RIF1: variants seen among roughly 807,000 people sequenced by gnomAD.
RIF1 encodes the protein replication timing regulatory factor 1, also known as telomere-associated protein RIF1.
In RIF1, 45 loss-of-function variants were observed where a neutral mutation model predicts 247.1. That is an observed-to-expected ratio of 0.18 (90% CI 0.14 to 0.23). The LOEUF is 0.23. Among genes scored for constraint, RIF1 ranks in the 10% least tolerant of loss-of-function variants. The pLI is 1.00. For synonymous variants in RIF1, 1,087 were observed against 978.8 expected, an observed-to-expected ratio of 1.11 and a Z score of -2.06; for missense variants, 2,967 against 2,862.5, an observed-to-expected ratio of 1.04 and a Z score of -0.83.
At chr2:151,491,530 C>G in intron 9 of RIF1, 1 of 635,150 alleles carries the variant, frequency 1.6e-6, no homozygotes, top group South Asian at 2.0e-5. Flanking sequence ...GTAAGTTTTG[C>G]TCACTAGTTA....
In RIF1 at chr2:151,409,988, G is replaced by A. The variant is rs1454568013; in HGVS notation, c.-56G>A. On this transcript the variant is annotated 5_prime_UTR_variant, in exon 1 of 36. It adds an upstream start codon to the 5' untranslated region. Coordinates refer to ENST00000444746, the MANE Select transcript of RIF1 (RefSeq NM_018151.5). ...AAAGTCGAGCTCTGGCAGCGTCTGG[G>A]TGCTGAGGGGCAGAGGCGGAGAGAA... The A allele has an allele frequency of 7.1e-6, 5 of 702,526 alleles. No homozygotes were observed. Among genetic ancestry groups the A allele is most frequent in the Non-Finnish European group, 7.8e-6 (3 of 384,780 alleles). 43.5% of individuals were successfully genotyped at this position (702,526 alleles called of 1,614,324 possible). A position where few individuals can be genotyped will look rare whatever the true frequency, so the allele number is the denominator to read the frequency against.
intron 12 of RIF1, among the ~76,000 whole-genome samples, chr2:151,504,669 A>T (rs79767074): frequency 0.015 from 2,259 of 152,288 alleles, 80 homozygotes; most frequent in East Asian, 0.14. Context: ...TTGGCCATAA[A>T]CTATTTCCCA....
chr2:151,416,987 CAG>C, intron 6 of RIF1, 86 bp downstream of exon 6: 1 of 946,618 alleles, frequency 1.1e-6, no homozygotes, highest in Non-Finnish European at 1.6e-6. Flanking sequence ...AAATGAGAGA[CAG>C]ACATTAAAAG....
intron 9 of RIF1, chr2:151,493,502 T>C: frequency 8.6e-7 from 1 of 1,156,520 alleles, no homozygotes; most frequent in South Asian, 1.5e-5. Context: ...GGTCTGAAAA[T>C]CATCACTTAG....
chr2:151,492,121 T>G, intron 9 of RIF1: 1 of 1,613,944 alleles, frequency 6.2e-7, no homozygotes, highest in Non-Finnish European at 8.5e-7. Context: ...CTGATCTTGG[T>G]CATTCCGTTT....
intron 7 of RIF1, 61 bp from the exon 8 acceptor site, chr2:151,422,889 T>C: frequency 2.3e-6 from 2 of 863,732 alleles, no homozygotes; most frequent in Non-Finnish European, 3.8e-6. Flanking sequence ...ATTCCTAGAC[T>C]TTGGTATTGG....
At chr2:151,503,914 T>C (rs1199892833) in intron 12 of RIF1, among the ~76,000 whole-genome samples, 1 of 152,182 alleles carries the variant, frequency 6.6e-6, no homozygotes, top group Non-Finnish European at 1.5e-5. Flanking sequence ...TCCTAATCTG[T>C]AGGAGCCTAG....
intron 20 of RIF1, among the ~76,000 whole-genome samples, chr2:151,450,029 C>T (rs1174253127): frequency 3.3e-5 from 5 of 151,826 alleles, no homozygotes; most frequent in Admixed American, 6.6e-5. Flanking sequence ...TTAGTAGAGA[C>T]GGGGTTTCTC....
At chr2:151,418,926 A>G (rs1029484633) in intron 6 of RIF1, among the ~76,000 whole-genome samples, 17 of 150,748 alleles carry the variant, frequency 1.1e-4, no homozygotes, top group Non-Finnish European at 1.8e-4. Flanking sequence ...TTGTGCAAAC[A>G]TATTTTCCCT....
intron 12 of RIF1, 114 bp downstream of exon 12, chr2:151,437,117 G>A (rs1192046409): frequency 1.7e-6 from 2 of 1,207,654 alleles, no homozygotes; most frequent in Admixed American, 2.5e-5. Flanking sequence ...AGTTGTGTAT[G>A]AAATATGAAT....
chr2:151,505,444 T>C, intron 12 of RIF1: 1 of 1,560,706 alleles, frequency 6.4e-7, no homozygotes, highest in Non-Finnish European at 8.8e-7. Flanking sequence ...AGATGGCCAG[T>C]CACACAAATG....
chr2:151,493,624 C>T (rs780088907), intron 9 of RIF1: 19 of 736,906 alleles, frequency 2.6e-5, no homozygotes, highest in South Asian at 4.4e-5. Flanking sequence ...ACTGTGACCT[C>T]GTGGGGTTGG....
the RIF1 span, among the ~76,000 whole-genome samples, chr2:151,524,127 G>T: frequency 6.6e-6 from 1 of 152,172 alleles, no homozygotes; most frequent in Non-Finnish European, 1.5e-5. Context: ...AACAAGAAAG[G>T]TCTAGACAGC....
chr2:151,463,130 A>G lies in RIF1; in HGVS notation c.3610A>G (p.Asn1204Asp). 3 of 1,614,056 alleles carry G rather than the reference A, an allele frequency of 1.9e-6. No homozygotes were observed. The highest frequency in any genetic ancestry group is 1.7e-6 in the Non-Finnish European group (2 of 1,179,902). Reference protein sequence around the residue: ...SFVVSSSSVSNTTVAGTPPYP... With the variant: ...SFVVSSSSVSDTTVAGTPPYP... ...CGTTGTCAGCAGTAGTTCAGTTTCTAATACCACTGTTGCTGGAACTCCCCC... is the reference window on the plus strand; with the variant it reads ...CGTTGTCAGCAGTAGTTCAGTTTCTGATACCACTGTTGCTGGAACTCCCCC... Residue 1204 changes from asparagine to aspartate, a missense_variant, in exon 30 of 36, where the codon AAT becomes GAT. Around this residue, in one of 7 missense-constraint regions of RIF1, gnomAD observed 2,028 missense variants for 1,825.6 expected, o/e 1.11. Transcript: ENST00000444746.
intron 18 of RIF1, among the ~76,000 whole-genome samples, chr2:151,444,835 A>G (rs1166449843): frequency 1.3e-5 from 2 of 152,174 alleles, no homozygotes; most frequent in East Asian, 1.9e-4. Flanking sequence ...CCAGATTGCA[A>G]TTAACAAATT....
chr2:151,420,642 C>T (rs552328580), intron 7 of RIF1, among the ~76,000 whole-genome samples: 7 of 147,370 alleles, frequency 4.7e-5, no homozygotes, highest in Admixed American at 2.8e-4. Flanking sequence ...GAGACTAAGG[C>T]GGGAGGGTTG....
rs375261993 is a variant in RIF1, at chr2:151,415,883, T to A, written c.281-678T>A. Among the ~76,000 whole-genome samples, 216 of 151,984 alleles carry A rather than the reference T, an allele frequency of 1.4e-3. 2 individuals carry two copies. In the South Asian group the frequency reaches 0.029, roughly 20 times the overall value. ...GAGTGAAACTCCGTCTCAAAAAAAA[T>A]CAAATGAAAAGGGTATTTAAACATG... On this transcript the variant is annotated intron_variant, in intron 4 of 35. Transcript: ENST00000444746.
chr2:151,453,350 G>T (rs1457862283), intron 21 of RIF1, among the ~76,000 whole-genome samples: 8 of 152,084 alleles, frequency 5.3e-5, no homozygotes, highest in Non-Finnish European at 7.4e-5. Context: ...GCCGAGGTGG[G>T]TGGATCACCT....
intron 11 of RIF1, among the ~76,000 whole-genome samples, chr2:151,436,600 G>C (rs1691262450): frequency 6.6e-6 from 1 of 150,754 alleles, no homozygotes; most frequent in Non-Finnish European, 1.5e-5. Flanking sequence ...GTATGTCATT[G>C]AAAGACATAT....
Sources: gnomAD v4.1 joint callset for allele counts (sites outside exome capture counted in the v4.1 genomes callset) on GRCh38, gnomAD v4.1.1 for gene constraint, gnomAD v4.1.1 regional missense constraint, MANE v1.5 for transcripts, NCBI Gene and HGNC (gene_info 2026-07-23, HGNC 2026-07-21) for gene names.